The following ITGA4 variants were observed in gnomAD, a reference collection of about 807,000 sequenced individuals.
ITGA4 encodes integrin alpha-4.
A neutral mutation model predicts 133.6 loss-of-function variants in ITGA4; 63 were observed. The observed-to-expected ratio is 0.47, with a 90% CI of 0.38 to 0.58. The LOEUF is 0.58. Ranked by LOEUF, ITGA4 falls within the 20% of genes least tolerant of loss-of-function variation. The pLI is 0.00. For synonymous variants in ITGA4, 483 were observed against 438.0 expected (o/e 1.10, Z -1.28); for missense variants, 1,076 against 1,252.7 (o/e 0.86, Z 2.13).
chr2:181,475,749 T>G (rs1685659621), intron 4 of ITGA4: 3 of 1,536,288 alleles, frequency 2.0e-6, no homozygotes, highest in Non-Finnish European at 2.6e-6. Flanking sequence ...ATTTACATGT[T>G]TTCCTTCAAG....
rs188090089 is a variant in ITGA4 at position 181,526,972 on chromosome 2, C to A, written c.2340-325C>A. On this transcript the variant is annotated intron_variant, in intron 21 of 27. Transcript: ENST00000397033. ...TCAGCCTCCCGAGTAGCTGGTACTA[C>A]AGGCACACGCCACCACGCCCAGCTA... Among the ~76,000 whole-genome samples, 248 of 151,568 alleles carry A rather than the reference C, an allele frequency of 1.6e-3. 2 individuals are homozygous for A. Among genetic ancestry groups the A allele is most frequent in the African/African-American group, 5.6e-3 (232 of 41,340 alleles).
At chr2:181,491,831 G>A (rs1686054890) in intron 10 of ITGA4, among the ~76,000 whole-genome samples, 1 of 151,988 alleles carries the variant, frequency 6.6e-6, no homozygotes, top group Non-Finnish European at 1.5e-5. Context: ...GCACAAATCT[G>A]ACTCCAGTTA....
intron 2 of ITGA4, 97 bp downstream of exon 2, chr2:181,458,414 C>A: frequency 6.9e-7 from 1 of 1,453,132 alleles, no homozygotes; most frequent in Non-Finnish European, 9.4e-7. Flanking sequence ...TTGCCTGTTA[C>A]TTCTGGTTTA....
chr2:181,457,918 T>C (rs1685167361), intron 1 of ITGA4, 67 bp downstream of exon 1: 2 of 1,415,898 alleles, frequency 1.4e-6, no homozygotes, highest in East Asian at 2.4e-5. Context: ...CCCTAGGGAT[T>C]CCCTGCCCGA....
At chr2:181,509,561 C>A in intron 15 of ITGA4, 97 bp from the exon 16 acceptor site, 1 of 794,770 alleles carries the variant, frequency 1.3e-6, no homozygotes, top group Non-Finnish European at 1.9e-6. Flanking sequence ...CTTTGTCTTC[C>A]ATGTATAGTG....
In ITGA4 at chr2:181,538,244, T is replaced by C. The variant is rs769934349; in HGVS notation, c.*2717T>C. 6.4e-7 allele frequency: 1 copy of C among 1,568,542 alleles called. No homozygotes were observed. The highest frequency in any genetic ancestry group is 1.1e-5 in the South Asian group (1 of 89,984). On this transcript the variant is annotated 3_prime_UTR_variant, in exon 28 of 28. Transcript: ENST00000397033. ...AAAGACTGATAAGTCTTGGATGCAA[T>C]CTGTAAAGAAAATACATTATTTCAT...
intron 5 of ITGA4, 92 bp downstream of exon 5, chr2:181,478,916 A>T: frequency 1.6e-6 from 1 of 612,634 alleles, no homozygotes; most frequent in South Asian, 4.4e-5. Context: ...TTAAAGTAAA[A>T]ATTGTGTAAC....
intron 15 of ITGA4, among the ~76,000 whole-genome samples, chr2:181,504,601 G>T (rs1032895303): frequency 6.6e-6 from 1 of 151,758 alleles, no homozygotes; most frequent in East Asian, 1.9e-4. Flanking sequence ...CTAATATTAT[G>T]GTATTCTAAA....
chr2:181,484,414 C>A (rs769828069), intron 9 of ITGA4, among the ~76,000 whole-genome samples: 1 of 152,132 alleles, frequency 6.6e-6, no homozygotes, highest in African/African-American at 2.4e-5. Context: ...CCTTCCAGAA[C>A]TTCAGAGCCA....
intron 9 of ITGA4, among the ~76,000 whole-genome samples, chr2:181,484,088 G>T (rs575712097): frequency 7.2e-5 from 11 of 152,216 alleles, no homozygotes; most frequent in African/African-American, 2.4e-4. Flanking sequence ...ACTCTGAAAT[G>T]GCACTAACCA....
chr2:181,482,088 G>A (rs1173802044), intron 7 of ITGA4, among the ~76,000 whole-genome samples: 1 of 152,128 alleles, frequency 6.6e-6, no homozygotes, highest in Non-Finnish European at 1.5e-5. Context: ...GCTTTTCTGA[G>A]CCTTACTTTT....
intron 17 of ITGA4, among the ~76,000 whole-genome samples, chr2:181,517,383 A>AAAAC (rs950016515): frequency 1.3e-5 from 2 of 152,196 alleles, no homozygotes; most frequent in African/African-American, 4.8e-5. Context: ...CACTCAGAAA[A>AAAAC]AAACATAGAG....
intron 5 of ITGA4, chr2:181,479,560 T>C (rs1685757662): frequency 6.6e-6 from 1 of 152,050 alleles, no homozygotes. Context: ...ATTTAATTGC[T>C]GAAAGTGTTC....
At chr2:181,515,462 TG>T (rs1459193463) in intron 17 of ITGA4, among the ~76,000 whole-genome samples, 2 of 152,086 alleles carry the variant, frequency 1.3e-5, no homozygotes, top group Non-Finnish European at 2.9e-5. Context: ...GGCCATAAAA[TG>T]AAACATTGCC....
At chr2:181,529,502 A>C (rs757741129) in intron 22 of ITGA4, 39 bp from the exon 23 acceptor site, 35 of 999,656 alleles carry the variant, frequency 3.5e-5, no homozygotes, top group Non-Finnish European at 5.2e-5. Context: ...CATTTATAGA[A>C]AACATTTAAT....
intron 22 of ITGA4, among the ~76,000 whole-genome samples, 197 bp from the exon 23 acceptor site, chr2:181,529,344 A>T (rs983420120): frequency 6.6e-6 from 1 of 152,344 alleles, no homozygotes; most frequent in Non-Finnish European, 1.5e-5. Flanking sequence ...ACAATGACTC[A>T]TTTGAAATTA....
intron 15 of ITGA4, 75 bp downstream of exon 15, chr2:181,498,852 T>C (rs1166071365): frequency 1.4e-6 from 2 of 1,471,586 alleles, no homozygotes; most frequent in South Asian, 1.5e-5. Flanking sequence ...ATTGTATTGG[T>C]ATCTTTTTAT....
Position 181,457,776 on chromosome 2 carries a change from C to T in ITGA4, c.122C>T (p.Ala41Val), listed in dbSNP as rs901057020. Residue 41 changes from alanine (A) to valine (V), a missense_variant, in exon 1 of 28, where the codon GCG (alanine) becomes GTG (valine). Ala to Val is a moderately conservative substitution (Grantham distance 64, BLOSUM62 0). Around this residue, in one of 4 missense-constraint regions of ITGA4, gnomAD observed 82 missense variants for 68.3 expected, o/e 1.20. Coordinates refer to ENST00000397033, the MANE Select transcript of ITGA4 (RefSeq NM_000885.6). Reference protein sequence around the residue: ...GRPYNVDTESALLYQGPHNTL... With the variant: ...GRPYNVDTESVLLYQGPHNTL... The stretch of plus-strand genomic sequence containing the variant: ...CCCTACAACGTGGACACTGAGAGCG[C>T]GCTGCTTTACCAGGGCCCCCACAAC... The T allele has an allele frequency of 1.9e-6, 3 of 1,613,586 alleles. No homozygotes were observed. Among genetic ancestry groups the T allele is most frequent in the Non-Finnish European group, 1.7e-6 (2 of 1,179,980 alleles).
intron 15 of ITGA4, among the ~76,000 whole-genome samples, chr2:181,507,629 GC>G (rs1686420867): frequency 6.6e-6 from 1 of 151,958 alleles, no homozygotes. Context: ...ATAAAATTGT[GC>G]CATATTTGCA....
Sources: gnomAD v4.1 joint callset for allele counts (sites outside exome capture counted in the v4.1 genomes callset) on GRCh38, gnomAD v4.1.1 for gene constraint, gnomAD v4.1.1 regional missense constraint, MANE v1.5 for transcripts, NCBI Gene and HGNC (gene_info 2026-07-23, HGNC 2026-07-21) for gene names.